Variants in TMEM87B observed in about 807,000 individuals in gnomAD.
The protein encoded by TMEM87B is transmembrane protein 87B.
In TMEM87B, 83 loss-of-function variants were observed where a neutral mutation model predicts 80.3. That is an observed-to-expected ratio of 1.03 (90% CI 0.87 to 1.24). TMEM87B has a LOEUF of 1.24. Ranked by LOEUF, TMEM87B falls within the 50% of genes most tolerant of loss-of-function variation. The pLI, the probability that TMEM87B is intolerant of heterozygous loss-of-function variation, is 0.00. For synonymous variants in TMEM87B, 219 were observed against 230.5 expected, an observed-to-expected ratio of 0.95 and a Z score of 0.45; for missense variants, 625 against 674.4, an observed-to-expected ratio of 0.93 and a Z score of 0.81.
intron 16 of TMEM87B, among the ~76,000 whole-genome samples, 177 bp downstream of exon 16, chr2:112,106,252 A>C (rs960679237): frequency 2.0e-5 from 3 of 152,204 alleles, no homozygotes; most frequent in Admixed American, 2.0e-4. Flanking sequence ...GGTTGTCCAT[A>C]ACTGAAATAC....
intron 8 of TMEM87B, among the ~76,000 whole-genome samples, chr2:112,082,574 AG>A (rs1679029262): frequency 6.6e-6 from 1 of 152,170 alleles, no homozygotes; most frequent in Non-Finnish European, 1.5e-5. Context: ...AAAGTTTAAA[AG>A]GACATGTACC....
intron 9 of TMEM87B, among the ~76,000 whole-genome samples, chr2:112,088,647 G>A (rs1679214157): frequency 6.6e-6 from 1 of 152,020 alleles, no homozygotes; most frequent in African/African-American, 2.4e-5. Context: ...AATAAATTCT[G>A]ATTTGCAAAT....
chr2:112,055,608 G>T lies in TMEM87B; in HGVS notation c.17G>T (p.Arg6Leu). 1 of 1,530,862 alleles carries T rather than the reference G, an allele frequency of 6.5e-7. No homozygotes were observed. Among genetic ancestry groups the T allele is most frequent in the Non-Finnish European group, 8.8e-7 (1 of 1,141,000 alleles). 94.8% of individuals were successfully genotyped at this position (1,530,862 alleles called of 1,614,324 possible). ...CTGGTCAAGATGGTCGCCGCCTGCC[G>T]CTCGGTAGCCGGGCTCCTGCCACGC... is the stretch of plus-strand genomic sequence containing the variant. Reference protein sequence around the residue: MVAACRSVAGLLPRRR... With the variant: MVAACLSVAGLLPRRR... Residue 6 changes from arginine to leucine, a missense_variant, in exon 1 of 19, where the codon CGC (arginine) becomes CTC (leucine). Arg to Leu is a moderately radical substitution (Grantham distance 102). Transcript: ENST00000283206.
intron 11 of TMEM87B, among the ~76,000 whole-genome samples, chr2:112,095,071 T>C (rs1679417817): frequency 6.7e-6 from 1 of 149,494 alleles, no homozygotes; most frequent in Non-Finnish European, 1.5e-5. Flanking sequence ...GGCTGAAAAA[T>C]TCAAAAGCCA....
At chr2:112,110,103 A>G (rs1286012681) in intron 17 of TMEM87B, among the ~76,000 whole-genome samples, 1 of 152,080 alleles carries the variant, frequency 6.6e-6, no homozygotes, top group Admixed American at 6.6e-5. Context: ...AGGTTTTGTC[A>G]GTGTTTTTTG....
intron 15 of TMEM87B, among the ~76,000 whole-genome samples, chr2:112,102,843 C>T (rs1307955005): frequency 2.0e-5 from 3 of 152,132 alleles, no homozygotes; most frequent in Admixed American, 6.5e-5. Context: ...AGTTAAAATT[C>T]TATTTAATGG....
At chr2:112,089,838 T>C (rs914111902) in intron 10 of TMEM87B, 120 bp downstream of exon 10, 1 of 875,868 alleles carries the variant, frequency 1.1e-6, no homozygotes, top group Non-Finnish European at 1.8e-6. Context: ...ATTTGAACTT[T>C]TCTTCTATGG....
chr2:112,112,229 T>C (rs1468887097), intron 17 of TMEM87B, among the ~76,000 whole-genome samples: 5 of 152,244 alleles, frequency 3.3e-5, no homozygotes, highest in Non-Finnish European at 7.3e-5. Flanking sequence ...AGATTAAACT[T>C]ACTTAACATT....
In TMEM87B at chr2:112,075,092, A is replaced by G. The variant is rs116326605; in HGVS notation, c.501+130A>G. 9.6e-4 allele frequency: 1,324 copies of G among 1,378,436 alleles called. 13 individuals are homozygous for G. The African/African-American group carries it at 0.018, about 18-fold the overall frequency. 85.4% of individuals were successfully genotyped at this position (1,378,436 alleles called of 1,614,324 possible). On this transcript the variant is annotated intron_variant, in intron 5 of 18. Coordinates refer to ENST00000283206, the MANE Select transcript of TMEM87B (RefSeq NM_032824.3). The stretch of plus-strand genomic sequence containing the variant: ...ATTAGAACTGTGGAAGGAAAAGGAA[A>G]CATTATTTAAAACCGTATGTTTTCA...
intron 16 of TMEM87B, among the ~76,000 whole-genome samples, chr2:112,107,425 T>G (rs1679801440): frequency 6.6e-6 from 1 of 151,760 alleles, no homozygotes; most frequent in Non-Finnish European, 1.5e-5. Context: ...ACTCATTATA[T>G]AAGAACTAGA....
rs1678006950 is a variant in TMEM87B at position 112,055,362 on chromosome 2, C to G, written c.-230C>G. 1 of 523,214 alleles carries G rather than the reference C, an allele frequency of 1.9e-6. No individual in the cohort carries two copies. The highest frequency in any genetic ancestry group is 2.7e-5 in the South Asian group (1 of 37,322). 32.4% of individuals were successfully genotyped at this position (523,214 alleles called of 1,614,324 possible). ...CTATCTCTGCCTTCCAGGCATCTCC[C>G]AGCTGCACGCTCGGGCCCGGCTCAG... On this transcript the variant is annotated 5_prime_UTR_variant, in exon 1 of 19. Coordinates refer to ENST00000283206, the MANE Select transcript of TMEM87B (RefSeq NM_032824.3).
chr2:112,109,501 T>C (rs1220122969), intron 17 of TMEM87B, among the ~76,000 whole-genome samples: 1 of 152,146 alleles, frequency 6.6e-6, no homozygotes, highest in African/African-American at 2.4e-5. Flanking sequence ...ACTTCCAACA[T>C]GTCTTTCCAA....
intron 1 of TMEM87B, 131 bp from the exon 2 acceptor site, chr2:112,059,846 C>G (rs1240745597): frequency 4.2e-6 from 5 of 1,204,506 alleles, no homozygotes; most frequent in Middle Eastern, 2.2e-4. Context: ...GTGATGTGAT[C>G]AGATTTACGT....
At chr2:112,112,303 C>G (rs894231772) in intron 17 of TMEM87B, among the ~76,000 whole-genome samples, 1 of 152,214 alleles carries the variant, frequency 6.6e-6, no homozygotes, top group African/African-American at 2.4e-5. Flanking sequence ...TGTTATATAA[C>G]ACTTCTCTCT....
At chr2:112,112,791 C>G in intron 17 of TMEM87B, 108 bp from the exon 18 acceptor site, 1 of 1,024,322 alleles carries the variant, frequency 9.8e-7, no homozygotes, top group South Asian at 1.4e-5. Context: ...CTGTGGATAC[C>G]CAGGAGTGAG....
At chr2:112,066,011 A>G (rs1347418855) in intron 3 of TMEM87B, among the ~76,000 whole-genome samples, 1 of 152,254 alleles carries the variant, frequency 6.6e-6, no homozygotes, top group Admixed American at 6.5e-5. Flanking sequence ...GGTCAAGGAC[A>G]TATCTGCAAG....
intron 17 of TMEM87B, among the ~76,000 whole-genome samples, chr2:112,108,884 CA>C (rs1558852301): frequency 6.6e-6 from 1 of 152,156 alleles, no homozygotes; most frequent in Non-Finnish European, 1.5e-5. Flanking sequence ...GAGGAAGTGC[CA>C]AGCTGTTTTT....
At chr2:112,095,246 G>A (rs1337152286) in intron 11 of TMEM87B, 119 of 915,416 alleles carry the variant, frequency 1.3e-4, no homozygotes, top group Non-Finnish European at 1.4e-4. Flanking sequence ...TTCTGATCTT[G>A]TTCTTCTGGC....
Position 112,107,779 on chromosome 2 carries a change from T to G in TMEM87B, c.1525-9T>G. 1.9e-6 allele frequency: 3 copies of G among 1,558,880 alleles called. No homozygotes were observed. The highest frequency in any genetic ancestry group is 2.6e-6 in the Non-Finnish European group (3 of 1,139,686). The stretch of plus-strand genomic sequence containing the variant: ...ATTAAGCAAATGCTAAGTATAAATA[T>G]TTCTACAGGATGAAGATTTGAAGTG... On this transcript the variant is annotated splice_polypyrimidine_tract_variant and intron_variant, in intron 16 of 18. Coordinates refer to ENST00000283206, the MANE Select transcript of TMEM87B (RefSeq NM_032824.3).
Sources: gnomAD v4.1 joint callset for allele counts (sites outside exome capture counted in the v4.1 genomes callset) on GRCh38, gnomAD v4.1.1 for gene constraint, MANE v1.5 for transcripts, NCBI Gene and HGNC (gene_info 2026-07-23, HGNC 2026-07-21) for gene names.